Variants in WWOX observed in about 807,000 individuals in gnomAD.
WWOX encodes the protein WW domain-containing oxidoreductase.
WWOX carries 69 observed loss-of-function variants against 46.2 expected under a neutral mutation model. The ratio of observed to expected loss-of-function variants is 1.49; its 90% CI spans 1.23 to 1.82. WWOX has a LOEUF of 1.82. Among genes scored for constraint, WWOX ranks in the 40% most tolerant of loss-of-function variants. WWOX has a pLI of 0.00. For missense variants in WWOX, 919 were observed against 542.6 expected, an observed-to-expected ratio of 1.69 and a Z score of -6.89; for synonymous variants, 359 against 202.6, an observed-to-expected ratio of 1.77 and a Z score of -6.56.
chr16:78,578,504 G>A (rs1212195192), intron 8 of WWOX, among the ~76,000 whole-genome samples: 1 of 151,160 alleles, frequency 6.6e-6, no homozygotes, highest in Non-Finnish European at 1.5e-5. Flanking sequence ...TTATCAGGAT[G>A]GTCTCAATCT....
intron 8 of WWOX, among the ~76,000 whole-genome samples, chr16:78,847,199 G>A (rs1049153550): frequency 4.6e-5 from 7 of 152,278 alleles, no homozygotes; most frequent in African/African-American, 1.4e-4. Flanking sequence ...CTAAGATCTA[G>A]GTGCTAGTTG....
chr16:79,074,433 T>TTTTTTTTTTTTTTTTTTTTTTTTC, intron 8 of WWOX, among the ~76,000 whole-genome samples: 1 of 134,540 alleles, frequency 7.4e-6, no homozygotes, highest in Non-Finnish European at 1.6e-5. Flanking sequence ...TTTTTTTTTT[T>TTTTTTTTTTTTTTTTTTTTTTTTC]TTTTTTTTTG....
intron 8 of WWOX, among the ~76,000 whole-genome samples, chr16:79,210,436 C>T (rs879674911): frequency 3.3e-5 from 5 of 152,188 alleles, no homozygotes; most frequent in Admixed American, 2.0e-4. Flanking sequence ...GTAAACCCTG[C>T]AGGGGCAGAA....
chr16:79,036,434 A>G (rs895674130), intron 8 of WWOX, among the ~76,000 whole-genome samples: 1 of 152,224 alleles, frequency 6.6e-6, no homozygotes, highest in African/African-American at 2.4e-5. Context: ...CCATATAAGT[A>G]TCTGCATTTG....
rs527661117 is a variant in WWOX at position 78,769,245 on chromosome 16, G to A, written c.1056+336493G>A. Among the ~76,000 whole-genome samples the A allele has an allele frequency of 1.8e-3, 267 of 152,316 alleles. 2 individuals are homozygous for A. The highest frequency in any genetic ancestry group is 6.2e-3 in the African/African-American group (257 of 41,576). ...TATATACCAGGCGCTGTTACAGCCC[G>A]TGTAATGCCACCTGGGAGTTGGGGG... On this transcript the variant is annotated intron_variant, in intron 8 of 8. Transcript: ENST00000566780.
In WWOX at chr16:78,872,713, C is replaced by T. The variant is rs368852752; in HGVS notation, c.1057-338895C>T. 1.7e-4 allele frequency: 26 copies of T among 152,338 alleles called. No individual in the cohort carries two copies. The East Asian group carries it at 4.2e-3, about 25-fold the overall frequency. The allele number at this position is 152,338 out of a possible 1,614,324, so 9.4% of individuals were successfully genotyped here. A position where few individuals can be genotyped will look rare whatever the true frequency, so the allele number is the denominator to read the frequency against. ...GTGTCCCCAACCACTCCCTGCGTTT[C>T]TCTTTCTTTGCCTTCCGAAGCTGCC... On this transcript the variant is annotated intron_variant, in intron 8 of 8. Transcript: ENST00000566780.
chr16:78,122,605 TTTTC>T (rs2033150537), intron 4 of WWOX, among the ~76,000 whole-genome samples: 1 of 151,372 alleles, frequency 6.6e-6, no homozygotes, highest in Non-Finnish European at 1.5e-5. Context: ...TTTACATTTT[TTTTC>T]TTTTTTTTTT....
At chr16:78,496,966 A>T (rs1181402976) in intron 8 of WWOX, among the ~76,000 whole-genome samples, 3 of 152,254 alleles carry the variant, frequency 2.0e-5, no homozygotes, top group Non-Finnish European at 4.4e-5. Flanking sequence ...GAAATGCTCA[A>T]ATCAAGGGAG....
intron 5 of WWOX, among the ~76,000 whole-genome samples, chr16:78,356,941 C>G (rs1433691493): frequency 6.6e-6 from 1 of 152,136 alleles, no homozygotes; most frequent in Non-Finnish European, 1.5e-5. Flanking sequence ...TTCACCCAAT[C>G]AAGGATTAAA....
intron 8 of WWOX, among the ~76,000 whole-genome samples, chr16:78,617,899 T>C (rs895096347): frequency 6.6e-6 from 1 of 152,248 alleles, no homozygotes; most frequent in African/African-American, 2.4e-5. Context: ...TAGCATCTTT[T>C]CATGTGCACA....
chr16:78,208,316 GTCTCTGAA>G (rs139937829), intron 5 of WWOX, among the ~76,000 whole-genome samples: 10,459 of 152,188 alleles, frequency 0.069, 497 homozygotes, highest in Admixed American at 0.16. Flanking sequence ...TTGCCATTCT[GTCTCTGAA>G]TCTTGAAATA....
At chr16:78,242,475 C>T (rs1250834504) in intron 5 of WWOX, among the ~76,000 whole-genome samples, 1 of 152,216 alleles carries the variant, frequency 6.6e-6, no homozygotes, top group African/African-American at 2.4e-5. Context: ...TCTCTCCACA[C>T]ATTTCCTAGT....
At chr16:78,716,902 A>G (rs1455947656) in intron 8 of WWOX, among the ~76,000 whole-genome samples, 1 of 152,094 alleles carries the variant, frequency 6.6e-6, no homozygotes, top group Non-Finnish European at 1.5e-5. Context: ...CATGTTTATT[A>G]TCTTATTTTC....
intron 8 of WWOX, among the ~76,000 whole-genome samples, chr16:78,819,152 C>G (rs917196212): frequency 9.9e-5 from 15 of 152,214 alleles, no homozygotes; most frequent in African/African-American, 3.4e-4. Flanking sequence ...CACTGCTGTT[C>G]AGTTCACTTC....
At chr16:79,100,499 A>G (rs919634434) in intron 8 of WWOX, among the ~76,000 whole-genome samples, 7 of 152,146 alleles carry the variant, frequency 4.6e-5, no homozygotes, top group African/African-American at 1.4e-4. Flanking sequence ...GCTTTGACCA[A>G]TGAAGTAGAA....
chr16:78,634,220 T>C (rs1427192215), intron 8 of WWOX, among the ~76,000 whole-genome samples: 2 of 152,184 alleles, frequency 1.3e-5, no homozygotes, highest in Non-Finnish European at 2.9e-5. Flanking sequence ...AGGAATGCCA[T>C]AGTGGTGAGC....
At chr16:78,360,994 C>T (rs1183882138) in intron 5 of WWOX, among the ~76,000 whole-genome samples, 1 of 151,992 alleles carries the variant, frequency 6.6e-6, no homozygotes, top group Non-Finnish European at 1.5e-5. Context: ...CTAATTTTTG[C>T]ATTTGTTTTA....
intron 8 of WWOX, among the ~76,000 whole-genome samples, chr16:79,189,881 C>T (rs79466998): frequency 0.02 from 2,811 of 138,314 alleles, 95 homozygotes; most frequent in African/African-American, 0.07. Flanking sequence ...TAAAAACTTC[C>T]AGTGGTTTCA....
intron 7 of WWOX, among the ~76,000 whole-genome samples, chr16:78,431,717 T>C (rs1194469309): frequency 6.6e-6 from 1 of 151,592 alleles, no homozygotes; most frequent in Non-Finnish European, 1.5e-5. Context: ...TTTTTAAATT[T>C]TAAATTCTTA....
Sources: allele counts gnomAD v4.1 joint callset (sites outside exome capture counted in the v4.1 genomes callset), GRCh38; gene constraint gnomAD v4.1.1; transcripts MANE v1.5; gene names NCBI Gene and HGNC (gene_info 2026-07-23, HGNC 2026-07-21).